Variants in ADCY1 observed in about 807,000 individuals in gnomAD.
The protein encoded by ADCY1 is adenylate cyclase 1.
Under a neutral mutation model 105.4 loss-of-function variants are expected in ADCY1, and 28 were observed. That is an observed-to-expected ratio of 0.27 (90% CI 0.20 to 0.36). The LOEUF is 0.36. Ranked by LOEUF, ADCY1 falls within the 10% of genes least tolerant of loss-of-function variation. ADCY1 has a pLI of 1.00. For missense variants in ADCY1, 977 were observed against 1,434.2 expected, an observed-to-expected ratio of 0.68 and a Z score of 5.15; for synonymous variants, 655 against 623.8, an observed-to-expected ratio of 1.05 and a Z score of -0.75.
At chr7:45,619,655 C>T (rs940902019) in intron 3 of ADCY1, among the ~76,000 whole-genome samples, 4 of 152,124 alleles carry the variant, frequency 2.6e-5, no homozygotes, top group Admixed American at 2.6e-4. Context: ...TCTGCATGAT[C>T]TCATTTGTAT....
rs1007453115 is a variant in ADCY1, at chr7:45,716,306, G to C, written c.*2311G>C. ...TGAGCTGGCTGTGGGCTGAGATCCT[G>C]GCTGGGGCCCTGCTGTCAACCTCTC... is the stretch of plus-strand genomic sequence containing the variant. On this transcript the variant is annotated 3_prime_UTR_variant, in exon 20 of 20. Coordinates refer to ENST00000297323, the MANE Select transcript of ADCY1 (RefSeq NM_021116.4). 1 of 153,336 alleles carries C rather than the reference G, an allele frequency of 6.5e-6. No individual in the cohort carries two copies. Among genetic ancestry groups the C allele is most frequent in the Non-Finnish European group, 1.4e-5 (1 of 68,974 alleles). The allele number at this position is 153,336 out of a possible 1,614,324, so 9.5% of individuals were successfully genotyped here.
intron 5 of ADCY1, among the ~76,000 whole-genome samples, chr7:45,652,037 C>G (rs1285853181): frequency 6.6e-6 from 1 of 152,168 alleles, no homozygotes; most frequent in Admixed American, 6.5e-5. Context: ...GCTGGGAGGC[C>G]TCAGGAGACT....
At chr7:45,611,874 T>A (rs1396714900) in intron 3 of ADCY1, among the ~76,000 whole-genome samples, 1 of 152,184 alleles carries the variant, frequency 6.6e-6, no homozygotes, top group Non-Finnish European at 1.5e-5. Flanking sequence ...GTGTCAGGCC[T>A]CACTGCCCAT....
chr7:45,704,896 C>T (rs1205432271), intron 17 of ADCY1, among the ~76,000 whole-genome samples: 4 of 151,942 alleles, frequency 2.6e-5, no homozygotes, highest in Admixed American at 2.6e-4. Flanking sequence ...CATTACCTCC[C>T]GCACTGGCCC....
intron 4 of ADCY1, among the ~76,000 whole-genome samples, chr7:45,646,264 C>A (rs1052510164): frequency 1.3e-5 from 2 of 152,254 alleles, no homozygotes; most frequent in East Asian, 1.9e-4. Context: ...CCTGGTGAGT[C>A]CCTGAGGGGT....
Position 45,666,698 on chromosome 7 carries a change from G to A in ADCY1, c.1605+4484G>A, listed in dbSNP as rs1784267272. 3.3e-5 allele frequency among the ~76,000 whole-genome samples: 5 copies of A among 152,282 alleles called. No homozygotes were observed. In the South Asian group the frequency reaches 1.0e-3, roughly 32 times the overall value. On this transcript the variant is annotated intron_variant, in intron 8 of 19. Coordinates refer to ENST00000297323, the MANE Select transcript of ADCY1 (RefSeq NM_021116.4). Reference sequence around the variant, plus strand: ...TCTAGTTCTAGATCCCTGAGGAATCGCCACACTGTCTTCCACAATGGTTGA... The same window carrying A: ...TCTAGTTCTAGATCCCTGAGGAATCACCACACTGTCTTCCACAATGGTTGA...
At chr7:45,589,893 A>G (rs1792857635) in intron 1 of ADCY1, among the ~76,000 whole-genome samples, 1 of 151,086 alleles carries the variant, frequency 6.6e-6, no homozygotes, top group Non-Finnish European at 1.5e-5. Context: ...TTCCAGTGGG[A>G]GTGTTGGTTT....
In ADCY1 at chr7:45,668,185, G is replaced by C. The variant is rs544498073; in HGVS notation, c.1605+5971G>C. Among the ~76,000 whole-genome samples, 784 of 152,342 alleles carry C rather than the reference G, an allele frequency of 5.1e-3. 4 individuals carry two copies. Among genetic ancestry groups the C allele is most frequent in the African/African-American group, 0.018 (732 of 41,572 alleles). ...ACTATGTTGAATAGGAGTGGTGAGA[G>C]AGGGCATCCCTGTCTTGTGCCAGTT... On this transcript the variant is annotated intron_variant, in intron 8 of 19. Transcript: ENST00000297323.
chr7:45,722,120 G>A lies in ADCY1; in HGVS notation c.*8125G>A. ...CAACTCTGGGCCCCAGGCACACGAA[G>A]CACAAGTCTCAGGGGACCATTCCCA... On this transcript the variant is annotated 3_prime_UTR_variant, in exon 20 of 20. Coordinates refer to ENST00000297323, the MANE Select transcript of ADCY1 (RefSeq NM_021116.4). 2 of 316,798 alleles carry A rather than the reference G, an allele frequency of 6.3e-6. No homozygotes were observed. The highest frequency in any genetic ancestry group is 1.2e-5 in the Non-Finnish European group (2 of 173,898). 19.6% of individuals were successfully genotyped at this position (316,798 alleles called of 1,614,324 possible). A position where few individuals can be genotyped will look rare whatever the true frequency, so the allele number is the denominator to read the frequency against.
chr7:45,687,009 A>T (rs1443963226), intron 14 of ADCY1, among the ~76,000 whole-genome samples: 1 of 152,214 alleles, frequency 6.6e-6, no homozygotes, highest in Non-Finnish European at 1.5e-5. Flanking sequence ...AGAGGGGCTC[A>T]GCCTCTGCAG....
intron 6 of ADCY1, 35 bp downstream of exon 6, chr7:45,657,920 T>TTGGTTGGG: frequency 2.2e-6 from 1 of 460,314 alleles, no homozygotes; most frequent in Non-Finnish European, 4.1e-6. Context: ...GGGAGGGAGG[T>TTGGTTGGG]GGGTGATGGC....
At chr7:45,671,373 A>T (rs1009388607) in intron 8 of ADCY1, among the ~76,000 whole-genome samples, 4 of 152,242 alleles carry the variant, frequency 2.6e-5, no homozygotes, top group Admixed American at 6.5e-5. Context: ...TAACTTTTAC[A>T]AATAAAGCTG....
intron 17 of ADCY1, 37 bp downstream of exon 17, chr7:45,704,653 G>A (rs1285159937): frequency 1.9e-6 from 3 of 1,558,092 alleles, no homozygotes; most frequent in South Asian, 2.2e-5. Context: ...TGGGGACTGG[G>A]TCCAAGCTCT....
rs1258058867 is a variant in ADCY1 at position 45,685,946 on chromosome 7, A to AC, written c.2074-12dup. On this transcript the variant is annotated splice_polypyrimidine_tract_variant and intron_variant, in intron 12 of 19. Transcript: ENST00000297323. ...ACCTGCCCTTTGCTAAGCCCCTGTG[A>AC]CCCCTCCCTTCCCAGGTGGGCTGCC... 3.7e-6 allele frequency: 6 copies of AC among 1,607,006 alleles called. No homozygotes were observed. The African/African-American group carries it at 4.0e-5, about 11-fold the overall frequency.
At chr7:45,636,357 G>T (rs1794398254) in intron 4 of ADCY1, among the ~76,000 whole-genome samples, 2 of 152,166 alleles carry the variant, frequency 1.3e-5, no homozygotes, top group Admixed American at 1.3e-4. Flanking sequence ...TATGTAAATA[G>T]TTGTTATGCT....
At chr7:45,685,928 CT>C in intron 12 of ADCY1, 33 bp from the exon 13 acceptor site, 1 of 1,591,358 alleles carries the variant, frequency 6.3e-7, no homozygotes, top group South Asian at 1.1e-5. Context: ...TTCACCTGCC[CT>C]TTGCTAAGCC....
intron 3 of ADCY1, among the ~76,000 whole-genome samples, chr7:45,614,204 A>G (rs1793671294): frequency 6.6e-6 from 1 of 151,990 alleles, no homozygotes; most frequent in South Asian, 2.1e-4. Context: ...AAATAACTGG[A>G]AAGTATGTTA....
At position 45,575,212 on chromosome 7, in the gene ADCY1, T is replaced by C; in HGVS notation, c.639+30T>C. On this transcript the variant is annotated intron_variant, in intron 1 of 19. Transcript: ENST00000297323. The surrounding 1 kb of genome is among the most constrained non-coding windows in gnomAD (Gnocchi z 4.7). ...GTGCAGCCGCGCACCCCTCATCTGGTCTCGGACACACTTGCTGGGACGATG... is the reference window on the plus strand; with the variant it reads ...GTGCAGCCGCGCACCCCTCATCTGGCCTCGGACACACTTGCTGGGACGATG... 1.9e-6 allele frequency: 3 copies of C among 1,546,262 alleles called. No individual in the cohort carries two copies. The highest frequency in any genetic ancestry group is 2.5e-5 in the South Asian group (2 of 80,876).
intron 1 of ADCY1, among the ~76,000 whole-genome samples, chr7:45,590,557 A>T (rs1388286845): frequency 1.3e-5 from 2 of 151,992 alleles, no homozygotes; most frequent in Non-Finnish European, 2.9e-5. Context: ...TGAGCGCTGA[A>T]CACACCCTAA....
Sources: allele counts gnomAD v4.1 joint callset (sites outside exome capture counted in the v4.1 genomes callset), GRCh38; gene constraint gnomAD v4.1.1; non-coding constraint Gnocchi (gnomAD v3.1); transcripts MANE v1.5; gene names NCBI Gene and HGNC (gene_info 2026-07-23, HGNC 2026-07-21).